Variants in ACADM observed in about 807,000 individuals in gnomAD.
The protein encoded by ACADM is acyl-CoA dehydrogenase medium chain, also known as medium-chain specific acyl-CoA dehydrogenase, mitochondrial.
A neutral mutation model predicts 58.9 loss-of-function variants in ACADM; 49 were observed. The observed-to-expected ratio is 0.83, with a 90% CI of 0.66 to 1.06. The LOEUF is 1.06. Among genes scored for constraint, ACADM ranks in the 50% least tolerant of loss-of-function variants. The pLI is 0.00. For synonymous variants in ACADM, 160 were observed against 157.7 expected, an observed-to-expected ratio of 1.01 and a Z score of -0.11; for missense variants, 496 against 507.0, an observed-to-expected ratio of 0.98 and a Z score of 0.21.
At chr1:75,733,976 A>G (rs549052257) in intron 5 of ACADM, among the ~76,000 whole-genome samples, 6 of 152,214 alleles carry the variant, frequency 3.9e-5, no homozygotes, top group African/African-American at 1.4e-4. Flanking sequence ...TGCTGCCACT[A>G]TGGCAGTACT....
At chr1:75,740,220 A>T in intron 7 of ACADM, 110 bp downstream of exon 7, 1 of 1,115,900 alleles carries the variant, frequency 9.0e-7, no homozygotes, top group South Asian at 1.3e-5. Flanking sequence ...TGTTTGTGGA[A>T]CTGGAAGGCC....
At chr1:75,735,604 G>A (rs1434636246) in intron 6 of ACADM, among the ~76,000 whole-genome samples, 2 of 152,142 alleles carry the variant, frequency 1.3e-5, no homozygotes, top group Non-Finnish European at 2.9e-5. Flanking sequence ...TGTAATCCCA[G>A]CACTTTGAGA....
At chr1:75,724,842 TG>T in intron 1 of ACADM, 25 bp downstream of exon 1, 1 of 1,464,516 alleles carries the variant, frequency 6.8e-7, no homozygotes, top group Non-Finnish European at 9.1e-7. Context: ...AGCGGTGCGG[TG>T]GGGCTGGAAC....
At chr1:75,732,592 G>A (rs1647164814) in intron 2 of ACADM, 52 bp from the exon 3 acceptor site, 1 of 1,362,466 alleles carries the variant, frequency 7.3e-7, no homozygotes, top group Non-Finnish European at 1.1e-6. Context: ...GACTTCATAG[G>A]ACATTTTTCC....
At chr1:75,746,065 T>C (rs1462521733) in intron 8 of ACADM, 151 bp downstream of exon 8, 2 of 652,610 alleles carry the variant, frequency 3.1e-6, no homozygotes, top group Non-Finnish European at 5.3e-6. Context: ...AAATAGTCTA[T>C]ATACTACTGA....
intron 10 of ACADM, among the ~76,000 whole-genome samples, chr1:75,752,137 C>T (rs996567551): frequency 2.0e-5 from 3 of 151,894 alleles, no homozygotes; most frequent in African/African-American, 7.3e-5. Context: ...GGCACACTAC[C>T]ATGCCTGCCT....
chr1:75,729,737 A>G (rs111927462), intron 2 of ACADM, among the ~76,000 whole-genome samples: 32,456 of 136,224 alleles, frequency 0.24, 4,396 homozygotes, highest in Middle Eastern at 0.41. Context: ...CAAGTGATCC[A>G]CCCACCTCTG....
intron 10 of ACADM, among the ~76,000 whole-genome samples, chr1:75,753,959 C>CTT (rs34768581): frequency 4.4e-5 from 5 of 114,104 alleles, no homozygotes; most frequent in Non-Finnish European, 7.4e-5. Context: ...CCATGCTCAG[C>CTT]TTTTTTTTTT....
chr1:75,726,330 C>T (rs1446573741), intron 1 of ACADM, among the ~76,000 whole-genome samples: 1 of 149,942 alleles, frequency 6.7e-6, no homozygotes, highest in Non-Finnish European at 1.5e-5. Context: ...GATCTCTCCA[C>T]CGCACTCTAG....
intron 1 of ACADM, among the ~76,000 whole-genome samples, chr1:75,726,362 C>A (rs954186989): frequency 4.1e-4 from 13 of 32,036 alleles, no homozygotes; most frequent in Non-Finnish European, 5.5e-4. Context: ...GAGGGAGACT[C>A]TGTCAAAAAA....
At chr1:75,729,950 A>G (rs1182363922) in intron 2 of ACADM, among the ~76,000 whole-genome samples, 2 of 120,554 alleles carry the variant, frequency 1.7e-5, no homozygotes, top group African/African-American at 3.4e-5. Context: ...GCTGGATTGC[A>G]GTAGCTCCAT....
At chr1:75,740,530 A>G (rs1401168760) in intron 7 of ACADM, among the ~76,000 whole-genome samples, 1 of 152,184 alleles carries the variant, frequency 6.6e-6, no homozygotes, top group Non-Finnish European at 1.5e-5. Context: ...CAGGTTATCT[A>G]TTAGAGAAGA....
chr1:75,749,061 G>T (rs1648054086), intron 8 of ACADM, among the ~76,000 whole-genome samples: 1 of 152,160 alleles, frequency 6.6e-6, no homozygotes, highest in South Asian at 2.1e-4. Context: ...TTGATAAGAT[G>T]TACTTGTAGA....
rs547648892 is a variant in ACADM at position 75,744,109 on chromosome 1, A to T, written c.600-1697A>T. On this transcript the variant is annotated intron_variant, in intron 7 of 11. Coordinates refer to ENST00000370841, the MANE Select transcript of ACADM (RefSeq NM_000016.6). ...GCCGCATCCTGTTCATTTTCTCCTGATGTTCTGAATGCAGACCTTTGCCAG... is the reference window on the plus strand; with the variant it reads ...GCCGCATCCTGTTCATTTTCTCCTGTTGTTCTGAATGCAGACCTTTGCCAG... 3.8e-5 allele frequency: 61 copies of T among 1,585,944 alleles called. No homozygotes were observed. In the East Asian group the frequency reaches 1.2e-3, roughly 30 times the overall value.
At chr1:75,729,383 T>C (rs1157827054) in intron 2 of ACADM, among the ~76,000 whole-genome samples, 1 of 150,478 alleles carries the variant, frequency 6.6e-6, no homozygotes, top group Non-Finnish European at 1.5e-5. Flanking sequence ...GCAGTCCTCT[T>C]ATTTCAGCCT....
intron 7 of ACADM, chr1:75,744,227 A>G (rs929727775): frequency 6.3e-7 from 1 of 1,584,766 alleles, no homozygotes; most frequent in African/African-American, 1.3e-5. Context: ...CACTGGTGGC[A>G]TCGAGTGGGT....
chr1:75,733,092 C>T (rs2100364312), intron 4 of ACADM, 170 bp downstream of exon 4: 2 of 1,613,000 alleles, frequency 1.2e-6, no homozygotes, highest in Non-Finnish European at 8.5e-7. Context: ...CACTCTATAC[C>T]TAGATGCGTT....
rs1325220271 is a variant in ACADM, at chr1:75,734,669, A to C, written c.388-122A>C. 9.5e-6 allele frequency: 7 copies of C among 737,680 alleles called. No individual in the cohort carries two copies. The East Asian group carries it at 1.9e-4, about 20-fold the overall frequency. The allele number at this position is 737,680 out of a possible 1,614,324, so 45.7% of individuals were successfully genotyped here. A position where few individuals can be genotyped will look rare whatever the true frequency, so the allele number is the denominator to read the frequency against. ...CTAACTTAGAGGCAAGGTATAGGCC[A>C]GTTCTTTGGACTTACCTGTTAGGTG... On this transcript the variant is annotated intron_variant, in intron 5 of 11. Coordinates refer to ENST00000370841, the MANE Select transcript of ACADM (RefSeq NM_000016.6).
chr1:75,731,322 C>T (rs533018530), intron 2 of ACADM, among the ~76,000 whole-genome samples: 1 of 146,258 alleles, frequency 6.8e-6, no homozygotes, highest in African/African-American at 2.5e-5. Context: ...TGATCTTATG[C>T]TCTTCAATTC....
Sources: gnomAD v4.1 joint callset for allele counts (sites outside exome capture counted in the v4.1 genomes callset) on GRCh38, gnomAD v4.1.1 for gene constraint, MANE v1.5 for transcripts, NCBI Gene and HGNC (gene_info 2026-07-23, HGNC 2026-07-21) for gene names.